MARCHF3: variants seen among roughly 807,000 people sequenced by gnomAD.
The protein encoded by MARCHF3 is membrane associated ring-CH-type finger 3.
MARCHF3 carries 13 observed loss-of-function variants against 24.2 expected under a neutral mutation model. That is an observed-to-expected ratio of 0.54 (90% CI 0.35 to 0.85). The LOEUF (loss-of-function observed/expected upper bound fraction) is 0.85. MARCHF3 is among the 40% of genes least tolerant of loss of function. MARCHF3 has a pLI of 0.01. For missense variants in MARCHF3, 276 were observed against 325.0 expected, an observed-to-expected ratio of 0.85 and a Z score of 1.16; for synonymous variants, 144 against 137.3, an observed-to-expected ratio of 1.05 and a Z score of -0.34.
intron 3 of MARCHF3, among the ~76,000 whole-genome samples, chr5:126,894,750 C>A (rs1753813119): frequency 6.6e-6 from 1 of 152,040 alleles, no homozygotes; most frequent in South Asian, 2.1e-4. Flanking sequence ...TTTGGTGAAT[C>A]TGACAATTAT....
intron 3 of MARCHF3, among the ~76,000 whole-genome samples, chr5:126,900,039 A>C (rs76438732): frequency 6.6e-6 from 1 of 152,058 alleles, no homozygotes. Flanking sequence ...TGCCCTAAAA[A>C]TCCTCTGTGC....
intron 1 of MARCHF3, among the ~76,000 whole-genome samples, chr5:127,008,796 G>A (rs1752389132): frequency 6.6e-6 from 1 of 152,186 alleles, no homozygotes; most frequent in African/African-American, 2.4e-5. Context: ...CAACGGGCCA[G>A]ACAACCTGGT....
intron 4 of MARCHF3, among the ~76,000 whole-genome samples, chr5:126,871,688 TG>T (rs1561770820): frequency 6.6e-6 from 1 of 151,838 alleles, no homozygotes; most frequent in Non-Finnish European, 1.5e-5. Flanking sequence ...ATTGCAACAC[TG>T]CTTCAAACTT....
intron 1 of MARCHF3, among the ~76,000 whole-genome samples, chr5:127,008,801 C>T (rs566628257): frequency 1.6e-4 from 24 of 152,266 alleles, no homozygotes; most frequent in African/African-American, 5.8e-4. Context: ...GGCCAGACAA[C>T]CTGGTCCAGT....
rs908688883 is a variant in MARCHF3 at position 127,008,270 on chromosome 5, G to A, written c.-57+22080C>T. On this transcript the variant is annotated intron_variant, in intron 1 of 4. Coordinates refer to ENST00000308660, the MANE Select transcript of MARCHF3 (RefSeq NM_178450.5). ...ATGAATGTTATGCTGGAAGGACACT[G>A]GCCCTCATTGTTTGATTGCTCGAAG... 4.6e-5 allele frequency among the ~76,000 whole-genome samples: 7 copies of A among 152,170 alleles called. No homozygotes were observed. The East Asian group carries it at 1.3e-3, about 29-fold the overall frequency.
At chr5:126,956,380 T>A (rs1205473884) in intron 1 of MARCHF3, among the ~76,000 whole-genome samples, 1 of 152,052 alleles carries the variant, frequency 6.6e-6, no homozygotes, top group Non-Finnish European at 1.5e-5. Flanking sequence ...GGCTCACGCC[T>A]GTAATCTCAG....
intron 1 of MARCHF3, among the ~76,000 whole-genome samples, chr5:127,013,502 C>T (rs1169959135): frequency 6.6e-6 from 1 of 152,066 alleles, no homozygotes; most frequent in Non-Finnish European, 1.5e-5. Context: ...TCACCTGGAT[C>T]CTGATGAGTT....
In MARCHF3 at chr5:126,868,929, A is replaced by G. The variant is rs1344455747; in HGVS notation, c.*1704T>C. Reference sequence around the variant, plus strand: ...CAGCCCAGGGGGGTGAGCAGGGCGCAGTAAACAGAAGGGCTGAGACATATA... The same window carrying G: ...CAGCCCAGGGGGGTGAGCAGGGCGCGGTAAACAGAAGGGCTGAGACATATA... On this transcript the variant is annotated 3_prime_UTR_variant, in exon 5 of 5. Transcript: ENST00000308660. 2 of 152,400 alleles carry G rather than the reference A, an allele frequency of 1.3e-5. No individual in the cohort carries two copies. Among genetic ancestry groups the G allele is most frequent in the East Asian group, 3.9e-4 (2 of 5,190 alleles). The allele number at this position is 152,400 out of a possible 1,614,324, so 9.4% of individuals were successfully genotyped here.
intron 1 of MARCHF3, among the ~76,000 whole-genome samples, chr5:126,936,267 A>G (rs1032284983): frequency 2.0e-5 from 3 of 152,238 alleles, no homozygotes; most frequent in African/African-American, 7.2e-5. Flanking sequence ...TATCTTAGGG[A>G]CATAATCAGA....
intron 4 of MARCHF3, among the ~76,000 whole-genome samples, chr5:126,872,339 C>T (rs1003691009): frequency 1.3e-5 from 2 of 152,090 alleles, no homozygotes; most frequent in Non-Finnish European, 1.5e-5. Context: ...GGATTACAGG[C>T]GTGAACCATG....
At chr5:126,946,797 T>C (rs1307123140) in intron 1 of MARCHF3, among the ~76,000 whole-genome samples, 1 of 150,026 alleles carries the variant, frequency 6.7e-6, no homozygotes, top group Non-Finnish European at 1.5e-5. Context: ...TGTGTGTGTG[T>C]CTGTGTGTGT....
intron 3 of MARCHF3, among the ~76,000 whole-genome samples, chr5:126,896,891 ATG>A (rs1236222713): frequency 2.0e-5 from 3 of 151,976 alleles, no homozygotes; most frequent in Non-Finnish European, 4.4e-5. Flanking sequence ...TGGACAATGG[ATG>A]TGTGTCTATT....
At chr5:127,017,093 A>G (rs566712841) in intron 1 of MARCHF3, among the ~76,000 whole-genome samples, 1 of 152,274 alleles carries the variant, frequency 6.6e-6, no homozygotes, top group East Asian at 1.9e-4. Flanking sequence ...GGAGGGGAAC[A>G]TCACGCACTG....
intron 1 of MARCHF3, among the ~76,000 whole-genome samples, chr5:126,920,520 T>C (rs1371355822): frequency 1.3e-5 from 2 of 152,236 alleles, no homozygotes; most frequent in Admixed American, 1.3e-4. Flanking sequence ...GGAATCATTA[T>C]GTCTAGATGC....
At chr5:126,941,334 C>T (rs940811923) in intron 1 of MARCHF3, among the ~76,000 whole-genome samples, 2 of 152,036 alleles carry the variant, frequency 1.3e-5, no homozygotes, top group Admixed American at 6.5e-5. Context: ...ATTTTAGGGG[C>T]TTTCTAACCC....
intron 1 of MARCHF3, among the ~76,000 whole-genome samples, chr5:126,939,113 C>T (rs1749742527): frequency 6.6e-6 from 1 of 152,132 alleles, no homozygotes; most frequent in South Asian, 2.1e-4. Flanking sequence ...TGTACAGATT[C>T]CTGTTAGCAT....
In MARCHF3 at chr5:126,903,806, TTTTA is replaced by T. The variant is rs899903758; in HGVS notation, c.393+11120_393+11123del. On this transcript the variant is annotated intron_variant, in intron 3 of 4. Transcript: ENST00000308660. Reference sequence around the variant, plus strand: ...TACACTGAATCCTGGGCACACTTTATTTTATTTATTTATTTATTATTATACTTTT... The same window carrying T: ...TACACTGAATCCTGGGCACACTTTATTTTATTTATTTATTATTATACTTTT... Among the ~76,000 whole-genome samples the T allele has an allele frequency of 9.9e-5, 15 of 152,110 alleles. No homozygotes were observed. The East Asian group carries it at 1.5e-3, about 16-fold the overall frequency.
At chr5:126,903,321 T>C (rs1016923976) in intron 3 of MARCHF3, among the ~76,000 whole-genome samples, 4 of 152,032 alleles carry the variant, frequency 2.6e-5, no homozygotes, top group African/African-American at 9.7e-5. Flanking sequence ...CCCAAAGGCA[T>C]TCAAATTCCT....
At chr5:127,000,759 C>T (rs574148532) in intron 1 of MARCHF3, among the ~76,000 whole-genome samples, 4 of 151,824 alleles carry the variant, frequency 2.6e-5, no homozygotes, top group African/African-American at 4.8e-5. Flanking sequence ...AGTGCAGTGG[C>T]GCTATCTCGG....
Sources: gnomAD v4.1 joint callset for allele counts (sites outside exome capture counted in the v4.1 genomes callset) on GRCh38, gnomAD v4.1.1 for gene constraint, MANE v1.5 for transcripts, NCBI Gene and HGNC (gene_info 2026-07-23, HGNC 2026-07-21) for gene names.